KMT5B: variants seen among roughly 807,000 people sequenced by gnomAD.
The protein encoded by KMT5B is histone-lysine N-methyltransferase KMT5B.
A neutral mutation model predicts 83.2 loss-of-function variants in KMT5B; 10 were observed. The observed-to-expected ratio is 0.12, with a 90% CI of 0.07 to 0.20. The LOEUF is 0.20. Ranked by LOEUF, KMT5B falls within the 10% of genes least tolerant of loss-of-function variation. The pLI is 1.00. For synonymous variants in KMT5B, 349 were observed against 388.8 expected (o/e 0.90, Z 1.20); for missense variants, 753 against 1,067.2 (o/e 0.71, Z 4.10).
Position 68,158,865 on chromosome 11 carries a change from T to C in KMT5B, c.1481A>G (p.Lys494Arg). 3.1e-6 allele frequency: 5 copies of C among 1,614,168 alleles called. No homozygotes were observed. The South Asian group carries it at 4.4e-5, about 14-fold the overall frequency. The change falls in exon 11 of 11, where the codon AAG (lysine) becomes AGG (arginine). Residue 494 changes from lysine to arginine, a missense_variant. This residue lies in a region of KMT5B where 397 missense variants were observed against 395.9 expected (regional missense o/e 1.00). Transcript: ENST00000304363. ...GGCTTGGGCTGGTCCCTCTGGCTCC[T>C]TATCTTTTTTAATGGGCAAATTTTT... is the stretch of plus-strand genomic sequence containing the variant. ...LYKNLPIKKD[K>R]EPEGPAQAAV... is the part of the protein sequence containing the mutation.
At chr11:68,174,487 A>G (rs1462128550) in intron 5 of KMT5B, among the ~76,000 whole-genome samples, 1 of 152,072 alleles carries the variant, frequency 6.6e-6, no homozygotes. Context: ...TGTTTCCCTT[A>G]AGGCTCATAA....
rs1854626609 is a variant in KMT5B at position 68,158,956 on chromosome 11, T to C, written c.1390A>G (p.Lys464Glu). ...LRNHCKRLEQKNASRKLEMGN... is the reference protein window; with the variant it reads ...LRNHCKRLEQENASRKLEMGN... ...ATTTCGAGTTTTCTTGAAGCATTCT[T>C]TTGCTCCAGCCGCTTGCAATGATTT... Residue 464 changes from lysine to glutamate, a missense_variant, in exon 11 of 11, where the codon AAG becomes GAG. Coordinates refer to ENST00000304363, the MANE Select transcript of KMT5B (RefSeq NM_017635.5). 2 of 1,613,484 alleles carry C rather than the reference T, an allele frequency of 1.2e-6. No homozygotes were observed. The highest frequency in any genetic ancestry group is 4.5e-5 in the East Asian group (2 of 44,892).
intron 10 of KMT5B, chr11:68,164,593 T>G (rs565245273): frequency 2.0e-6 from 1 of 488,796 alleles, no homozygotes; most frequent in South Asian, 1.5e-5. Flanking sequence ...CTTGAGCTCC[T>G]TCAGAGAGAG....
chr11:68,175,914 G>GTGTTTTT, intron 4 of KMT5B, among the ~76,000 whole-genome samples: 1 of 126,366 alleles, frequency 7.9e-6, no homozygotes, highest in African/African-American at 3.0e-5. Context: ...GGGTAGAGTT[G>GTGTTTTT]TTTTTTTTTT....
At chr11:68,196,887 T>C (rs1291769126) in intron 1 of KMT5B, among the ~76,000 whole-genome samples, 7 of 152,134 alleles carry the variant, frequency 4.6e-5, no homozygotes, top group Non-Finnish European at 1.0e-4. Context: ...GGAGTCCTAA[T>C]ATACCTCAAA....
chr11:68,204,768 T>G (rs1270980266), intron 1 of KMT5B, among the ~76,000 whole-genome samples: 1 of 152,022 alleles, frequency 6.6e-6, no homozygotes, highest in Admixed American at 6.6e-5. Flanking sequence ...AGGCACCTGC[T>G]GCCACGCCAG....
At chr11:68,193,104 C>T (rs1355914633) in intron 1 of KMT5B, among the ~76,000 whole-genome samples, 3 of 152,154 alleles carry the variant, frequency 2.0e-5, no homozygotes, top group African/African-American at 7.2e-5. Context: ...ACTAAAAAGG[C>T]CCTACGATAA....
chr11:68,203,887 T>C (rs1291994361), intron 1 of KMT5B, among the ~76,000 whole-genome samples: 1 of 148,764 alleles, frequency 6.7e-6, no homozygotes, highest in Non-Finnish European at 1.5e-5. Flanking sequence ...ATCAGGTATC[T>C]AGAACCATCA....
At chr11:68,159,411 C>T (rs574326035) in intron 10 of KMT5B, among the ~76,000 whole-genome samples, 8 of 152,300 alleles carry the variant, frequency 5.3e-5, no homozygotes, top group Middle Eastern at 3.4e-3. Context: ...GGTTAAGGAG[C>T]TTTTCACAGC....
intron 1 of KMT5B, among the ~76,000 whole-genome samples, chr11:68,212,295 GCCCT>G (rs1408500994): frequency 6.6e-6 from 1 of 152,038 alleles, no homozygotes; most frequent in African/African-American, 2.4e-5. Flanking sequence ...TAATTCACCT[GCCCT>G]CTATTCTAAG....
upstream of KMT5B, chr11:68,213,609 C>G (rs1398340074): frequency 1.3e-5 from 2 of 153,694 alleles, no homozygotes; most frequent in South Asian, 1.8e-4. Flanking sequence ...TGCCCTGCCG[C>G]CCGCACCGCC....
chr11:68,186,205 T>TC (rs1356012881), intron 2 of KMT5B, among the ~76,000 whole-genome samples: 5 of 152,036 alleles, frequency 3.3e-5, no homozygotes, highest in Non-Finnish European at 7.4e-5. Flanking sequence ...TGCTTGACTC[T>TC]CCCCCACCCC....
At chr11:68,186,903 G>C (rs146395460) in intron 2 of KMT5B, among the ~76,000 whole-genome samples, 50 of 152,282 alleles carry the variant, frequency 3.3e-4, no homozygotes, top group African/African-American at 1.1e-3. Context: ...AATCAAATTA[G>C]TTGCATGTAG....
chr11:68,196,239 G>T (rs1858693888), intron 1 of KMT5B, among the ~76,000 whole-genome samples: 1 of 151,978 alleles, frequency 6.6e-6, no homozygotes, highest in Admixed American at 6.6e-5. Context: ...TGTCTGCCTG[G>T]AATGTTATAA....
At chr11:68,184,993 T>C (rs1474819758) in intron 3 of KMT5B, among the ~76,000 whole-genome samples, 2 of 152,190 alleles carry the variant, frequency 1.3e-5, no homozygotes, top group African/African-American at 2.4e-5. Flanking sequence ...AACATGTCTT[T>C]AAAACTATTC....
chr11:68,163,598 G>A (rs1855043843), intron 10 of KMT5B, among the ~76,000 whole-genome samples: 2 of 152,214 alleles, frequency 1.3e-5, no homozygotes, highest in Admixed American at 6.5e-5. Context: ...CACTGGAAAT[G>A]CACAATCAGC....
rs1859394707 is a variant in KMT5B at position 68,157,634 on chromosome 11, G to T, written c.*54C>A. 1 of 1,492,560 alleles carries T rather than the reference G, an allele frequency of 6.7e-7. No homozygotes were observed. The allele number at this position is 1,492,560 out of a possible 1,614,324, so 92.5% of individuals were successfully genotyped here. A position where few individuals can be genotyped will look rare whatever the true frequency, so the allele number is the denominator to read the frequency against. On this transcript the variant is annotated 3_prime_UTR_variant, in exon 11 of 11. Transcript: ENST00000304363. ...ACTTTCAGTTGAGGAATAATTGACT[G>T]GAATTTTTTATTTCTTTAAAGTAGT...
chr11:68,169,090 C>T (rs1855592256), intron 9 of KMT5B, among the ~76,000 whole-genome samples: 1 of 152,206 alleles, frequency 6.6e-6, no homozygotes, highest in Admixed American at 6.5e-5. Flanking sequence ...ATAGCCATGG[C>T]CACTATTCTC....
intron 10 of KMT5B, among the ~76,000 whole-genome samples, chr11:68,162,580 G>A (rs1854962156): frequency 6.6e-6 from 1 of 152,120 alleles, no homozygotes. Context: ...TTCACCCGTT[G>A]GATGACTCCC....
Sources: allele counts gnomAD v4.1 joint callset (sites outside exome capture counted in the v4.1 genomes callset), GRCh38; gene constraint gnomAD v4.1.1; regional missense constraint gnomAD v4.1.1; transcripts MANE v1.5; gene names NCBI Gene and HGNC (gene_info 2026-07-23, HGNC 2026-07-21).